The following DHX57 variants were observed in gnomAD, a reference collection of about 807,000 sequenced individuals.
The protein encoded by DHX57 is DExH-box helicase 57, also known as putative ATP-dependent RNA helicase DHX57.
A neutral mutation model predicts 156.2 loss-of-function variants in DHX57; 105 were observed. The ratio of observed to expected loss-of-function variants is 0.67; its 90% CI spans 0.57 to 0.79. DHX57 has a LOEUF of 0.79. Among genes scored for constraint, DHX57 ranks in the 30% least tolerant of loss-of-function variants. The pLI is 0.00. For missense variants in DHX57, 1,847 were observed against 1,661.9 expected, an observed-to-expected ratio of 1.11 and a Z score of -1.94; for synonymous variants, 704 against 595.6, an observed-to-expected ratio of 1.18 and a Z score of -2.65.
intron 12 of DHX57, 90 bp from the exon 13 acceptor site, chr2:38,838,037 G>C (rs542852550): frequency 1.2e-6 from 1 of 812,784 alleles, no homozygotes; most frequent in Non-Finnish European, 2.1e-6. Context: ...ATATGCCTGT[G>C]AATTAGGTGA....
chr2:38,825,079 T>C (rs529324638), intron 16 of DHX57, among the ~76,000 whole-genome samples: 11 of 152,310 alleles, frequency 7.2e-5, no homozygotes, highest in African/African-American at 2.4e-4. Flanking sequence ...AAAAACAAAT[T>C]ATGAATATCG....
chr2:38,818,858 A>G lies in DHX57; in HGVS notation c.3471+19T>C. The G allele has an allele frequency of 1.9e-6, 3 of 1,613,668 alleles. No individual in the cohort carries two copies. The highest frequency in any genetic ancestry group is 2.5e-6 in the Non-Finnish European group (3 of 1,179,800). ...TACTCTAATAAAAAAATGAAGAAAA[A>G]GCCACAGACACAACTCACCTGCAGA... On this transcript the variant is annotated intron_variant, in intron 19 of 23. Transcript: ENST00000457308.
At position 38,856,453 on chromosome 2, in the gene DHX57, T is replaced by A; in HGVS notation, c.1596A>T (p.Arg532Ser). The change falls in exon 7 of 24, where the codon AGA (arginine) becomes AGT (serine). Residue 532 changes from arginine to serine, a missense_variant. Coordinates refer to ENST00000457308, the MANE Select transcript of DHX57 (RefSeq NM_198963.3). ...TCTCTTGCAGAATGGACTGGAACTG[T>A]CTGGAAGCCTAATAAAATCAAAGAT... ...CKQFRMKQAS[R>S]QFQSILQERQ... 6.3e-7 allele frequency: 1 copy of A among 1,593,174 alleles called. No individual in the cohort carries two copies. The highest frequency in any genetic ancestry group is 1.2e-5 in the South Asian group (1 of 86,332).
At chr2:38,831,962 C>T (rs1671406377) in intron 13 of DHX57, among the ~76,000 whole-genome samples, 1 of 152,040 alleles carries the variant, frequency 6.6e-6, no homozygotes, top group Admixed American at 6.6e-5. Flanking sequence ...GCAGAGGTTG[C>T]AGTGAGCTGA....
chr2:38,813,210 A>T (rs1670359697), intron 21 of DHX57, among the ~76,000 whole-genome samples: 1 of 152,072 alleles, frequency 6.6e-6, no homozygotes, highest in African/African-American at 2.4e-5. Context: ...TTTCCAACTA[A>T]CATAGAAAGT....
At chr2:38,855,375 T>A in intron 7 of DHX57, 123 bp from the exon 8 acceptor site, 1 of 1,123,746 alleles carries the variant, frequency 8.9e-7, no homozygotes, top group Non-Finnish European at 1.3e-6. Context: ...CAGTTTCAGG[T>A]ATTTTCTAAA....
chr2:38,856,778 GCTT>G, intron 6 of DHX57: 1 of 184,920 alleles, frequency 5.4e-6, no homozygotes, highest in South Asian at 1.3e-4. Flanking sequence ...TGGGATTACA[GCTT>G]TTTTTTTTTT....
intron 3 of DHX57, 140 bp downstream of exon 3, chr2:38,863,221 A>T (rs1673328641): frequency 1.2e-6 from 1 of 849,496 alleles, no homozygotes; most frequent in African/African-American, 1.7e-5. Flanking sequence ...TTATTCTTGT[A>T]TTACTCTTGG....
chr2:38,837,318 A>G (rs1410086193), intron 13 of DHX57, among the ~76,000 whole-genome samples: 1 of 152,102 alleles, frequency 6.6e-6, no homozygotes, highest in African/African-American at 2.4e-5. Flanking sequence ...AGCATAGAAA[A>G]GATAGGACTA....
At chr2:38,843,324 C>T (rs7559806) in intron 11 of DHX57, 114 bp from the exon 12 acceptor site, 2 of 1,040,504 alleles carry the variant, frequency 1.9e-6, no homozygotes, top group South Asian at 3.0e-5. Flanking sequence ...GCCCAATTCA[C>T]ATGCCATCCT....
At chr2:38,871,183 C>G (rs142857010) in intron 1 of DHX57, among the ~76,000 whole-genome samples, 3 of 152,074 alleles carry the variant, frequency 2.0e-5, no homozygotes, top group African/African-American at 7.2e-5. Flanking sequence ...AAAACCAGTA[C>G]AAAAGTATTG....
At chr2:38,834,441 C>T (rs1450432373) in intron 13 of DHX57, among the ~76,000 whole-genome samples, 1 of 151,800 alleles carries the variant, frequency 6.6e-6, no homozygotes, top group Admixed American at 6.6e-5. Context: ...TTGTAGCCAC[C>T]TCCTGTTGCT....
chr2:38,868,227 T>C lies in DHX57; in HGVS notation c.179A>G (p.Asp60Gly), dbSNP rs755563209. 2 of 1,614,168 alleles carry C rather than the reference T, an allele frequency of 1.2e-6. No homozygotes were observed. The highest frequency in any genetic ancestry group is 1.7e-6 in the Non-Finnish European group (2 of 1,180,044). The change falls in exon 2 of 24, where the codon GAT becomes GGT. Residue 60 changes from aspartate to glycine, a missense_variant. Transcript: ENST00000457308. ...ACTGAAGATACAAAAGTCATCTCCATCATCCCATATTCTACTGGAGGCCTT... is the reference window on the plus strand; with the variant it reads ...ACTGAAGATACAAAAGTCATCTCCACCATCCCATATTCTACTGGAGGCCTT... ...NRKASSRIWDDGDDFCIFSES... is the reference protein window; with the variant it reads ...NRKASSRIWDGGDDFCIFSES...
intron 14 of DHX57, among the ~76,000 whole-genome samples, chr2:38,827,307 C>A (rs1194233328): frequency 6.7e-6 from 1 of 150,220 alleles, no homozygotes; most frequent in Non-Finnish European, 1.5e-5. Flanking sequence ...AACCAACAAG[C>A]CTAGTGCAAA....
chr2:38,824,058 G>A (rs966471681), intron 16 of DHX57, among the ~76,000 whole-genome samples: 1 of 151,840 alleles, frequency 6.6e-6, no homozygotes, highest in Non-Finnish European at 1.5e-5. Flanking sequence ...TTGCACTCCT[G>A]TGTTCACTGT....
chr2:38,819,200 G>A (rs1258346654), intron 17 of DHX57, 56 bp from the exon 18 acceptor site: 2 of 1,548,934 alleles, frequency 1.3e-6, no homozygotes, highest in East Asian at 2.3e-5. Flanking sequence ...TCAAAGACAG[G>A]GTCTTGTTCT....
At chr2:38,873,230 A>T (rs968029050) in intron 1 of DHX57, among the ~76,000 whole-genome samples, 1 of 152,198 alleles carries the variant, frequency 6.6e-6, no homozygotes, top group African/African-American at 2.4e-5. Flanking sequence ...ACCTCAGGTG[A>T]TCTGTCCACC....
intron 22 of DHX57, 77 bp from the exon 23 acceptor site, chr2:38,802,992 T>A: frequency 6.6e-7 from 1 of 1,521,324 alleles, no homozygotes; most frequent in Non-Finnish European, 9.0e-7. Context: ...TCCCACGGAT[T>A]TAAATACTGC....
chr2:38,811,815 C>T (rs879824869), intron 21 of DHX57, among the ~76,000 whole-genome samples: 1 of 152,176 alleles, frequency 6.6e-6, no homozygotes, highest in Non-Finnish European at 1.5e-5. Flanking sequence ...TCTCCTTTTC[C>T]TTTTTGGTTT....
Sources: gnomAD v4.1 joint callset for allele counts (sites outside exome capture counted in the v4.1 genomes callset) on GRCh38, gnomAD v4.1.1 for gene constraint, MANE v1.5 for transcripts, NCBI Gene and HGNC (gene_info 2026-07-23, HGNC 2026-07-21) for gene names.